The following TRPM8 variants were observed in gnomAD, a reference collection of about 807,000 sequenced individuals.
TRPM8 encodes transient receptor potential cation channel subfamily M member 8.
Under a neutral mutation model 133.7 loss-of-function variants are expected in TRPM8, and 110 were observed. The observed-to-expected ratio is 0.82, with a 90% confidence interval of 0.70 to 0.96. TRPM8 has a LOEUF of 0.96. Among genes scored for constraint, TRPM8 ranks in the 40% least tolerant of loss-of-function variants. TRPM8 has a pLI of 0.00. For synonymous variants in TRPM8, 535 were observed against 532.3 expected, an observed-to-expected ratio of 1.01 and a Z score of -0.07; for missense variants, 1,291 against 1,379.5, an observed-to-expected ratio of 0.94 and a Z score of 1.02.
At chr2:233,941,954 G>A (rs915267435) in intron 5 of TRPM8, among the ~76,000 whole-genome samples, 1 of 151,966 alleles carries the variant, frequency 6.6e-6, no homozygotes, top group African/African-American at 2.4e-5. Context: ...TAGAGGCTCT[G>A]GTTAGACATT....
intron 1 of TRPM8, among the ~76,000 whole-genome samples, chr2:233,925,319 CAG>C (rs1023204310): frequency 2.6e-5 from 4 of 152,196 alleles, no homozygotes; most frequent in African/African-American, 9.7e-5. Flanking sequence ...AGCAAGTTAA[CAG>C]GGGTCAAACA....
chr2:234,000,576 C>T (rs1357473741), intron 22 of TRPM8, among the ~76,000 whole-genome samples: 2 of 152,122 alleles, frequency 1.3e-5, no homozygotes, highest in Non-Finnish European at 2.9e-5. Context: ...TGGCTGAGAT[C>T]CCTACAACAA....
rs543376198 is a variant in TRPM8, at chr2:234,012,583, G to A, written c.3265-1979G>A. On this transcript the variant is annotated intron_variant, in intron 24 of 25. Coordinates refer to ENST00000324695, the MANE Select transcript of TRPM8 (RefSeq NM_024080.5). ...ATTTTACTTTCTTCTTTGTTATTTA[G>A]ATGCCTTTTCTTTTCTTTTTTTCTT... Among the ~76,000 whole-genome samples, 7 of 151,876 alleles carry A rather than the reference G, an allele frequency of 4.6e-5. No individual in the cohort carries two copies. The East Asian group carries it at 1.2e-3, about 25-fold the overall frequency.
intron 24 of TRPM8, chr2:234,013,526 T>A (rs1692889709): frequency 6.6e-6 from 1 of 152,206 alleles, no homozygotes; most frequent in Non-Finnish European, 1.5e-5. Context: ...TTCTTCCTTT[T>A]CTTAAAAGGT....
chr2:233,953,465 A>C (rs961626157), intron 9 of TRPM8, among the ~76,000 whole-genome samples: 2 of 152,062 alleles, frequency 1.3e-5, no homozygotes, highest in African/African-American at 4.8e-5. Context: ...CAATATAGAA[A>C]ATTCTTTATC....
rs1168240395 is a variant in TRPM8, at chr2:233,961,018, C to T, written c.1605C>T (p.Phe535=). ...WKLVANFRRG[F]RKEDRNGRDE... ...TGGTTGCGAACTTCCGAAGAGGCTTCCGGAAGGAAGACAGAAATGGCCGGG... is the reference window on the plus strand; with the variant it reads ...TGGTTGCGAACTTCCGAAGAGGCTTTCGGAAGGAAGACAGAAATGGCCGGG... Residue 535 remains phenylalanine (F), a synonymous_variant, in exon 12 of 26, where the codon TTC becomes TTT. Coordinates refer to ENST00000324695, the MANE Select transcript of TRPM8 (RefSeq NM_024080.5). 6.8e-6 allele frequency: 11 copies of T among 1,613,996 alleles called. No individual in the cohort carries two copies. The highest frequency in any genetic ancestry group is 6.7e-5 in the East Asian group (3 of 44,890).
chr2:233,979,587 A>T (rs1217188759), intron 17 of TRPM8, among the ~76,000 whole-genome samples: 2 of 152,228 alleles, frequency 1.3e-5, no homozygotes, highest in Non-Finnish European at 2.9e-5. Flanking sequence ...TGTTTTCCTG[A>T]CATACTTTCT....
chr2:233,983,449 T>C (rs1295485171), intron 20 of TRPM8: 5 of 542,426 alleles, frequency 9.2e-6, no homozygotes, highest in Admixed American at 6.3e-5. Flanking sequence ...TAAACCTTTT[T>C]AAAAATAGTG....
At chr2:233,960,172 G>A (rs991391302) in intron 11 of TRPM8, among the ~76,000 whole-genome samples, 1 of 152,108 alleles carries the variant, frequency 6.6e-6, no homozygotes, top group African/African-American at 2.4e-5. Flanking sequence ...GTGACTTATT[G>A]GTATGTAACA....
chr2:234,011,673 C>T (rs1255640095), intron 24 of TRPM8, among the ~76,000 whole-genome samples: 3 of 152,050 alleles, frequency 2.0e-5, no homozygotes, highest in African/African-American at 7.2e-5. Context: ...AATCCCAGCA[C>T]TTTGGGAGGC....
chr2:234,002,644 C>T (rs950640702), intron 22 of TRPM8, among the ~76,000 whole-genome samples: 4 of 152,234 alleles, frequency 2.6e-5, no homozygotes, highest in South Asian at 2.1e-4. Flanking sequence ...CGTGAGATGC[C>T]TCCCCACCTC....
In TRPM8 at chr2:233,947,115, T is replaced by C. The variant is rs1412122633; in HGVS notation, c.902T>C (p.Ile301Thr). 2.5e-6 allele frequency: 4 copies of C among 1,613,970 alleles called. No individual in the cohort carries two copies. The highest frequency in any genetic ancestry group is 2.2e-5 in the East Asian group (1 of 44,884). ...QDSNYGGKIP[I>T]VCFAQGGGKE... ...TCCAACTATGGTGGCAAGATCCCCA[T>C]TGTGTGTTTTGCCCAAGGAGGTGGA... is the stretch of plus-strand genomic sequence containing the variant. The change falls in exon 8 of 26, where the codon ATT (isoleucine) becomes ACT (threonine). Residue 301 changes from isoleucine to threonine, a missense_variant. Transcript: ENST00000324695.
intron 21 of TRPM8, among the ~76,000 whole-genome samples, chr2:233,991,185 T>C (rs1003030037): frequency 2.6e-5 from 4 of 152,170 alleles, no homozygotes; most frequent in Admixed American, 6.5e-5. Flanking sequence ...GAGTCTTTTA[T>C]AGTATATTAA....
chr2:233,945,188 T>G (rs1196495328), intron 6 of TRPM8, among the ~76,000 whole-genome samples: 1 of 152,246 alleles, frequency 6.6e-6, no homozygotes, highest in East Asian at 1.9e-4. Flanking sequence ...AATGCAACGC[T>G]GATACTTTAA....
chr2:234,009,827 A>T (rs1167130802), intron 24 of TRPM8, among the ~76,000 whole-genome samples: 1 of 152,190 alleles, frequency 6.6e-6, no homozygotes, highest in Non-Finnish European at 1.5e-5. Context: ...CTTTATTGAG[A>T]TATCATTGAC....
At chr2:233,959,324 C>T (rs113859615) in intron 11 of TRPM8, among the ~76,000 whole-genome samples, 5,646 of 129,892 alleles carry the variant, frequency 0.043, 142 homozygotes, top group African/African-American at 0.066. Flanking sequence ...CCTCGCCCAG[C>T]CTTTTTTTTT....
Position 233,948,814 on chromosome 2 carries a change from C to A in TRPM8, c.943-1135C>A, listed in dbSNP as rs28902477. Among the ~76,000 whole-genome samples the A allele has an allele frequency of 6.5e-3, 985 of 152,302 alleles. 12 individuals are homozygous for A. The highest frequency in any genetic ancestry group is 0.023 in the African/African-American group (941 of 41,566). ...TTGGGAGGCCAAGGAGGGTGGATCA[C>A]CTGAGGTCAGGAGTTCGAGACCAGC... On this transcript the variant is annotated intron_variant, in intron 8 of 25. Coordinates refer to ENST00000324695, the MANE Select transcript of TRPM8 (RefSeq NM_024080.5).
chr2:233,948,837 A>G (rs1691105613), intron 8 of TRPM8, among the ~76,000 whole-genome samples: 1 of 152,214 alleles, frequency 6.6e-6, no homozygotes, highest in South Asian at 2.1e-4. Flanking sequence ...GTTCGAGACC[A>G]GCCTGGCCAA....
At chr2:233,927,167 C>A (rs1343901573) in intron 2 of TRPM8, among the ~76,000 whole-genome samples, 2 of 152,186 alleles carry the variant, frequency 1.3e-5, no homozygotes, top group African/African-American at 2.4e-5. Context: ...GAAATTAAGA[C>A]AACATTCCAG....
Sources: gnomAD v4.1 joint callset for allele counts (sites outside exome capture counted in the v4.1 genomes callset) on GRCh38, gnomAD v4.1.1 for gene constraint, MANE v1.5 for transcripts, NCBI Gene and HGNC (gene_info 2026-07-23, HGNC 2026-07-21) for gene names.